Variants in COL10A1 observed in about 807,000 individuals in gnomAD.
COL10A1 encodes the protein collagen type X alpha 1 chain, also known as collagen alpha-1(X) chain.
COL10A1 carries 10 observed loss-of-function variants against 18.2 expected under a neutral mutation model. That is an observed-to-expected ratio of 0.55 (90% CI 0.34 to 0.93). The LOEUF is 0.93. Among genes scored for constraint, COL10A1 ranks in the 40% least tolerant of loss-of-function variants. The probability of loss-of-function intolerance (pLI) is 0.02; values close to 1 mark genes in which losing one functional copy is unlikely to be tolerated. For synonymous variants in COL10A1, 330 were observed against 316.6 expected, an observed-to-expected ratio of 1.04 and a Z score of -0.45; for missense variants, 897 against 853.5, an observed-to-expected ratio of 1.05 and a Z score of -0.64.
At chr6:116,163,141 A>AAAAAAAAATATAT (rs761718922), upstream of COL10A1, among the ~76,000 whole-genome samples, 23 of 88,392 alleles carry the variant, frequency 2.6e-4, no homozygotes, top group African/African-American at 1.3e-3. Flanking sequence ...AAAAAAAAAA[A>AAAAAAAAATATAT]ATATATATAT....
In COL10A1 at chr6:116,146,262, C is replaced by A. The variant is rs73772281; in HGVS notation, c.-16+12352G>T. ...GTGGTTAAAAGGGAATCAAGCAAAT[C>A]AAAAGTTATCTAGGCTTCAGAACAA... On this transcript the variant is annotated intron_variant, in intron 1 of 1. Transcript: ENST00000418500. 4.9e-3 allele frequency among the ~76,000 whole-genome samples: 740 copies of A among 152,268 alleles called. 12 individuals carry two copies. Among genetic ancestry groups the A allele is most frequent in the South Asian group, 0.043 (207 of 4,830 alleles).
chr6:116,154,266 A>G (rs1780124949), intron 1 of COL10A1, among the ~76,000 whole-genome samples: 1 of 152,198 alleles, frequency 6.6e-6, no homozygotes, highest in Non-Finnish European at 1.5e-5. Flanking sequence ...TATTTTAACA[A>G]AACATCAACA....
At chr6:116,216,459 C>T in the COL10A1 span, among the ~76,000 whole-genome samples, 13 of 150,908 alleles carry the variant, frequency 8.6e-5, no homozygotes, top group Admixed American at 8.6e-4. Context: ...TGGAGTAGGG[C>T]CGGGATATGC....
In COL10A1 at chr6:116,120,755, A is replaced by G. The variant is rs148931670; in HGVS notation, c.1361T>C (p.Ile454Thr). 3.5e-5 allele frequency: 56 copies of G among 1,607,666 alleles called. No homozygotes were observed. Among genetic ancestry groups the G allele is most frequent in the African/African-American group, 5.4e-5 (4 of 74,476 alleles). The change falls in exon 3 of 3, where the codon ATT becomes ACT. Residue 454 changes from isoleucine to threonine, a missense_variant. Transcript: ENST00000651968. ...GAATCCTGGAATGCCTGGTGGCCCA[A>G]TAGGGCCTCTAGTACCTGGTATTCC... The part of the protein sequence containing the change: ...APGIPGTRGP[I>T]GPPGIPGFPG...
At chr6:116,178,788 GATTA>G in the COL10A1 span, among the ~76,000 whole-genome samples, 1 of 152,186 alleles carries the variant, frequency 6.6e-6, no homozygotes, top group South Asian at 2.1e-4. Context: ...GGAACTCATG[GATTA>G]ATTGACAGGT....
intron 1 of COL10A1, among the ~76,000 whole-genome samples, chr6:116,156,003 A>C (rs1380558683): frequency 1.3e-5 from 2 of 152,200 alleles, no homozygotes; most frequent in African/African-American, 4.8e-5. Context: ...ACTTGAATCA[A>C]GTTCAAGAGT....
chr6:116,197,701 A>G, the COL10A1 span, among the ~76,000 whole-genome samples: 1 of 152,064 alleles, frequency 6.6e-6, no homozygotes, highest in Non-Finnish European at 1.5e-5. Context: ...CCACATGTGA[A>G]AATAAACTTG....
the COL10A1 span, among the ~76,000 whole-genome samples, chr6:116,212,198 T>C: frequency 1.3e-5 from 2 of 151,996 alleles, no homozygotes; most frequent in Non-Finnish European, 2.9e-5. Context: ...TTTAGTATGT[T>C]CTTTTTTCCT....
chr6:116,136,921 G>A (rs993652834), intron 1 of COL10A1: 4 of 152,186 alleles, frequency 2.6e-5, no homozygotes, highest in African/African-American at 7.2e-5. Context: ...TTGTCGTGAT[G>A]GATAGTATAT....
At chr6:116,128,550 C>T (rs1779383154), upstream of COL10A1, among the ~76,000 whole-genome samples, 1 of 152,046 alleles carries the variant, frequency 6.6e-6, no homozygotes, top group South Asian at 2.1e-4. Flanking sequence ...TACTATTAAG[C>T]TTGCCTATTC....
At chr6:116,200,207 C>A in the COL10A1 span, among the ~76,000 whole-genome samples, 1 of 152,064 alleles carries the variant, frequency 6.6e-6, no homozygotes, top group African/African-American at 2.4e-5. Flanking sequence ...GGACATTCTA[C>A]AAAATATCTA....
At chr6:116,159,903 A>G (rs1036292769), upstream of COL10A1, among the ~76,000 whole-genome samples, 1 of 152,156 alleles carries the variant, frequency 6.6e-6, no homozygotes, top group Non-Finnish European at 1.5e-5. Context: ...ACTTAAGATC[A>G]TGGCCTCCAG....
the COL10A1 span, among the ~76,000 whole-genome samples, chr6:116,203,437 T>C: frequency 1.3e-5 from 2 of 151,950 alleles, no homozygotes; most frequent in Admixed American, 1.3e-4. Context: ...TAATTTTGTC[T>C]CATTTTTTAT....
At chr6:116,126,272 G>T (rs1779306947), upstream of COL10A1, 1 of 152,074 alleles carries the variant, frequency 6.6e-6, no homozygotes, top group African/African-American at 2.4e-5. Context: ...CACAAGATCG[G>T]GCTGGGCTCT....
Position 116,120,761 on chromosome 6 carries a change from C to T in COL10A1, c.1355G>A (p.Gly452Asp). 1 of 1,611,028 alleles carries T rather than the reference C, an allele frequency of 6.2e-7. No individual in the cohort carries two copies. Among genetic ancestry groups the T allele is most frequent in the East Asian group, 2.2e-5 (1 of 44,868 alleles). ...RGAPGIPGTR[G>D]PIGPPGIPGF... ...TGGAATGCCTGGTGGCCCAATAGGGCCTCTAGTACCTGGTATTCCAGGGGC... is the reference window on the plus strand; with the variant it reads ...TGGAATGCCTGGTGGCCCAATAGGGTCTCTAGTACCTGGTATTCCAGGGGC... Residue 452 changes from glycine (G) to aspartate (D), a missense_variant, in exon 3 of 3, where the codon GGC becomes GAC. Transcript: ENST00000651968.
the COL10A1 span, among the ~76,000 whole-genome samples, chr6:116,203,951 G>C: frequency 6.6e-6 from 1 of 151,760 alleles, no homozygotes; most frequent in Non-Finnish European, 1.5e-5. Flanking sequence ...AGTAGTTTTA[G>C]ACGACAGATG....
upstream of COL10A1, among the ~76,000 whole-genome samples, chr6:116,162,697 T>A (rs1301299608): frequency 6.6e-6 from 1 of 152,234 alleles, no homozygotes; most frequent in Non-Finnish European, 1.5e-5. Flanking sequence ...TGAGGACTTT[T>A]GCATCTACGT....
the COL10A1 span, among the ~76,000 whole-genome samples, chr6:116,183,238 C>T: frequency 8.6e-5 from 13 of 151,748 alleles, no homozygotes; most frequent in East Asian, 3.9e-4. Flanking sequence ...TCTGTGTGCC[C>T]GTTTTTATAC....
chr6:116,176,872 C>G, the COL10A1 span, among the ~76,000 whole-genome samples: 1 of 152,170 alleles, frequency 6.6e-6, no homozygotes, highest in African/African-American at 2.4e-5. Flanking sequence ...GTGATCTTCT[C>G]ACTTCTCCAA....
Sources: allele counts gnomAD v4.1 joint callset (sites outside exome capture counted in the v4.1 genomes callset), GRCh38; gene constraint gnomAD v4.1.1; transcripts MANE v1.5; gene names NCBI Gene and HGNC (gene_info 2026-07-23, HGNC 2026-07-21).